ANO3: variants seen among roughly 807,000 people sequenced by gnomAD.
ANO3 encodes anoctamin-3.
ANO3 carries 99 observed loss-of-function variants against 144.8 expected under a neutral mutation model. That is an observed-to-expected ratio of 0.68 (90% CI 0.58 to 0.81). ANO3 has a LOEUF of 0.81. Ranked by LOEUF, ANO3 falls within the 30% of genes least tolerant of loss-of-function variation. ANO3 has a pLI of 0.00. For synonymous variants in ANO3, 414 were observed against 392.6 expected, an observed-to-expected ratio of 1.05 and a Z score of -0.64; for missense variants, 905 against 1,202.2, an observed-to-expected ratio of 0.75 and a Z score of 3.66.
In ANO3 at chr11:26,553,242, T is replaced by C. The variant is rs1290429489; in HGVS notation, c.1290-7T>C. The C allele has an allele frequency of 7.0e-6, 10 of 1,429,372 alleles. No homozygotes were observed. The highest frequency in any genetic ancestry group is 1.2e-5 in the South Asian group (1 of 85,346). The allele number at this position is 1,429,372 out of a possible 1,614,324, so 88.5% of individuals were successfully genotyped here. On this transcript the variant is annotated splice_polypyrimidine_tract_variant and splice_region_variant and intron_variant, in intron 12 of 26. Transcript: ENST00000256737. ...TTGTTTTGTTTTTGTTTTTGTTTTTTCTCAAGCCAAGAAATTTGTAAAGCC... is the reference window on the plus strand; with the variant it reads ...TTGTTTTGTTTTTGTTTTTGTTTTTCCTCAAGCCAAGAAATTTGTAAAGCC...
intron 13 of ANO3, 148 bp from the exon 14 acceptor site, chr11:26,559,571 A>T: frequency 1.6e-6 from 1 of 610,916 alleles, no homozygotes; most frequent in Non-Finnish European, 2.9e-6. Flanking sequence ...TGCAAGACCC[A>T]TGAAAGGAAT....
chr11:26,324,020 C>A (rs1031777853), intron 1 of ANO3, among the ~76,000 whole-genome samples: 9 of 152,278 alleles, frequency 5.9e-5, no homozygotes, highest in Admixed American at 5.9e-4. Flanking sequence ...GTTAAAGCCA[C>A]ATTCACAAGG....
At chr11:26,232,138 T>C (rs1035442404) in intron 1 of ANO3, among the ~76,000 whole-genome samples, 2 of 152,180 alleles carry the variant, frequency 1.3e-5, no homozygotes, top group East Asian at 3.9e-4. Context: ...AAGGTCTATG[T>C]GGTCTGGTTG....
intron 1 of ANO3, among the ~76,000 whole-genome samples, chr11:26,257,903 G>T (rs1444140418): frequency 6.6e-6 from 1 of 152,026 alleles, no homozygotes; most frequent in Non-Finnish European, 1.5e-5. Flanking sequence ...TGATTGAAAA[G>T]AAATAAAATT....
chr11:26,193,433 C>T (rs1324340277), intron 1 of ANO3, among the ~76,000 whole-genome samples: 2 of 152,178 alleles, frequency 1.3e-5, no homozygotes, highest in South Asian at 2.1e-4. Context: ...AGCCACCACA[C>T]CTGGCCCAAT....
At chr11:26,299,692 A>C (rs1854178321) in intron 1 of ANO3, among the ~76,000 whole-genome samples, 1 of 152,038 alleles carries the variant, frequency 6.6e-6, no homozygotes, top group Non-Finnish European at 1.5e-5. Context: ...ACTGGACTTG[A>C]CTCTGTAGGG....
At chr11:26,622,720 C>G (rs569691140) in intron 17 of ANO3, among the ~76,000 whole-genome samples, 1 of 152,170 alleles carries the variant, frequency 6.6e-6, no homozygotes, top group Non-Finnish European at 1.5e-5. Context: ...GTCGTGTTGT[C>G]TCACTACTAA....
At chr11:26,651,747 AT>A (rs1206260396) in intron 24 of ANO3, among the ~76,000 whole-genome samples, 1 of 152,130 alleles carries the variant, frequency 6.6e-6, no homozygotes, top group African/African-American at 2.4e-5. Context: ...ATCCTCAATA[AT>A]TTTTCTAAAT....
chr11:26,482,790 A>G (rs1228175447), intron 4 of ANO3, among the ~76,000 whole-genome samples: 1 of 152,042 alleles, frequency 6.6e-6, no homozygotes. Context: ...ATATTATTTC[A>G]CACTGTATAC....
intron 19 of ANO3, 76 bp from the exon 20 acceptor site, chr11:26,634,937 C>A: frequency 8.2e-7 from 1 of 1,220,816 alleles, no homozygotes; most frequent in Non-Finnish European, 1.2e-6. Flanking sequence ...CACACATGCA[C>A]TCGTTGTGAT....
intron 1 of ANO3, among the ~76,000 whole-genome samples, chr11:26,277,502 A>T (rs1246928092): frequency 6.6e-6 from 1 of 152,082 alleles, no homozygotes; most frequent in Non-Finnish European, 1.5e-5. Flanking sequence ...CAGTGTAAAT[A>T]AAACTTTCAC....
intron 1 of ANO3, among the ~76,000 whole-genome samples, chr11:26,356,803 A>G (rs1005895059): frequency 6.6e-6 from 1 of 152,126 alleles, no homozygotes; most frequent in Non-Finnish European, 1.5e-5. Context: ...TTCAACTTCT[A>G]GTGGCTGCCT....
chr11:26,200,406 G>A (rs1590189762), intron 1 of ANO3, among the ~76,000 whole-genome samples: 1 of 151,830 alleles, frequency 6.6e-6, no homozygotes, highest in African/African-American at 2.4e-5. Flanking sequence ...GTGTATAGTT[G>A]GTCACTCTAT....
chr11:26,561,136 G>A (rs1344331168), intron 14 of ANO3: 1 of 1,612,602 alleles, frequency 6.2e-7, no homozygotes, highest in Non-Finnish European at 8.5e-7. Flanking sequence ...TCACTTTCTG[G>A]CATGGCTGAA....
intron 17 of ANO3, among the ~76,000 whole-genome samples, chr11:26,612,783 C>T (rs1008417305): frequency 6.6e-6 from 1 of 151,676 alleles, no homozygotes; most frequent in Non-Finnish European, 1.5e-5. Flanking sequence ...TATTGCCGGA[C>T]AGATTTTTTT....
At chr11:26,296,746 A>G (rs377597856) in intron 1 of ANO3, among the ~76,000 whole-genome samples, 1 of 152,204 alleles carries the variant, frequency 6.6e-6, no homozygotes, top group Non-Finnish European at 1.5e-5. Flanking sequence ...TCACCTTTCC[A>G]CAGCCAGTAG....
intron 1 of ANO3, among the ~76,000 whole-genome samples, chr11:26,316,035 T>C (rs996392575): frequency 6.6e-6 from 1 of 152,120 alleles, no homozygotes; most frequent in Non-Finnish European, 1.5e-5. Context: ...AAATAGGAAA[T>C]AGAATTATCT....
intron 5 of ANO3, among the ~76,000 whole-genome samples, chr11:26,511,815 TA>T (rs1239992071): frequency 6.6e-6 from 1 of 152,184 alleles, no homozygotes; most frequent in Admixed American, 6.5e-5. Flanking sequence ...GGTGATCTTT[TA>T]AACTATTGAT....
intron 4 of ANO3, among the ~76,000 whole-genome samples, chr11:26,491,384 C>T (rs1033143581): frequency 5.3e-5 from 8 of 152,272 alleles, no homozygotes; most frequent in South Asian, 2.1e-4. Context: ...GCAACAACTT[C>T]GATTGACACA....
Sources: allele counts gnomAD v4.1 joint callset (sites outside exome capture counted in the v4.1 genomes callset), GRCh38; gene constraint gnomAD v4.1.1; transcripts MANE v1.5; gene names NCBI Gene and HGNC (gene_info 2026-07-23, HGNC 2026-07-21).